Variants in ATP13A4 observed in about 807,000 individuals in gnomAD.
The protein encoded by ATP13A4 is ATPase 13A4.
Under a neutral mutation model 142.5 loss-of-function variants are expected in ATP13A4, and 114 were observed. That is an observed-to-expected ratio of 0.80 (90% CI 0.69 to 0.93). ATP13A4 has a LOEUF of 0.93. Ranked by LOEUF, ATP13A4 falls within the 40% of genes least tolerant of loss-of-function variation. The pLI is 0.00. For synonymous variants in ATP13A4, 488 were observed against 514.8 expected (o/e 0.95, Z 0.70); for missense variants, 1,392 against 1,454.0 (o/e 0.96, Z 0.69).
chr3:193,560,240 G>C (rs772450066), intron 2 of ATP13A4, among the ~76,000 whole-genome samples: 5 of 150,360 alleles, frequency 3.3e-5, no homozygotes, highest in Admixed American at 6.6e-5. Flanking sequence ...ACAGGGTCTC[G>C]CTCTGTCACC....
Position 193,495,491 on chromosome 3 carries a change from T to A in ATP13A4, c.382-2331A>T, listed in dbSNP as rs1283526250. On this transcript the variant is annotated intron_variant, in intron 3 of 29. Coordinates refer to ENST00000342695, the MANE Select transcript of ATP13A4 (RefSeq NM_032279.4). ...AACAGAATGACACACAAACACCATATGATCATTTGAACAAATACAGAAAAG... is the reference window on the plus strand; with the variant it reads ...AACAGAATGACACACAAACACCATAAGATCATTTGAACAAATACAGAAAAG... 8.5e-5 allele frequency among the ~76,000 whole-genome samples: 13 copies of A among 152,214 alleles called. 1 individual carries two copies. The South Asian group carries it at 2.7e-3, about 32-fold the overall frequency.
upstream of ATP13A4, among the ~76,000 whole-genome samples, chr3:193,559,373 C>T (rs1051576864): frequency 6.6e-6 from 1 of 152,166 alleles, no homozygotes; most frequent in Admixed American, 6.5e-5. Flanking sequence ...AGTCTTCCTC[C>T]TCAGCCCTCA....
At chr3:193,555,186 G>T (rs1393612647), upstream of ATP13A4, 4 of 347,342 alleles carry the variant, frequency 1.2e-5, no homozygotes, top group Non-Finnish European at 2.3e-5. Context: ...AGAGTTGGCA[G>T]GACCCTTCTC....
At chr3:193,536,884 C>T (rs1722617005) in intron 1 of ATP13A4, among the ~76,000 whole-genome samples, 1 of 151,880 alleles carries the variant, frequency 6.6e-6, no homozygotes, top group African/African-American at 2.4e-5. Context: ...AAATGAAATA[C>T]ATGTAAATTT....
At chr3:193,524,663 C>T (rs896158796) in intron 1 of ATP13A4, among the ~76,000 whole-genome samples, 2 of 152,102 alleles carry the variant, frequency 1.3e-5, no homozygotes, top group Non-Finnish European at 2.9e-5. Flanking sequence ...CCTGGTTCTG[C>T]CACTTATTAA....
At chr3:193,506,286 A>T (rs567763416) in intron 2 of ATP13A4, among the ~76,000 whole-genome samples, 81 of 152,328 alleles carry the variant, frequency 5.3e-4, no homozygotes, top group African/African-American at 1.8e-3. Context: ...TATAATGCAA[A>T]TAATGCAAAG....
chr3:193,437,684 CAT>C (rs1231807858), intron 23 of ATP13A4, among the ~76,000 whole-genome samples: 1 of 152,082 alleles, frequency 6.6e-6, no homozygotes, highest in Non-Finnish European at 1.5e-5. Context: ...ACTAGAAACA[CAT>C]GTCAGTTACA....
intron 25 of ATP13A4, among the ~76,000 whole-genome samples, chr3:193,430,841 G>A (rs1229205468): frequency 6.6e-6 from 1 of 152,032 alleles, no homozygotes; most frequent in Non-Finnish European, 1.5e-5. Context: ...TTAAGCAAGA[G>A]AATGAATAAT....
intron 18 of ATP13A4, among the ~76,000 whole-genome samples, chr3:193,444,768 G>C (rs773604178): frequency 6.6e-6 from 1 of 152,174 alleles, no homozygotes; most frequent in South Asian, 2.1e-4. Context: ...ATAACATCTG[G>C]CTGGCTATCC....
chr3:193,486,345 T>C (rs1719617648), intron 7 of ATP13A4, among the ~76,000 whole-genome samples: 1 of 152,196 alleles, frequency 6.6e-6, no homozygotes, highest in South Asian at 2.1e-4. Flanking sequence ...TCTGCAAGAA[T>C]GATGTATGGA....
chr3:193,445,968 C>CA (rs11310029), intron 18 of ATP13A4, among the ~76,000 whole-genome samples: 1 of 145,688 alleles, frequency 6.9e-6, no homozygotes, highest in African/African-American at 2.5e-5. Context: ...AAACTGGGTG[C>CA]AAAAAAAAAA....
intron 2 of ATP13A4, among the ~76,000 whole-genome samples, chr3:193,512,175 G>A (rs1344368756): frequency 6.6e-6 from 1 of 152,126 alleles, no homozygotes; most frequent in African/African-American, 2.4e-5. Flanking sequence ...CTAGTTGAGG[G>A]CATACAGATG....
chr3:193,558,556 T>A (rs185710451), upstream of ATP13A4, among the ~76,000 whole-genome samples: 42 of 152,302 alleles, frequency 2.8e-4, 1 homozygote, highest in East Asian at 7.9e-3. Context: ...AAAATATAAA[T>A]TCCACATAAT....
Position 193,459,177 on chromosome 3 carries a change from C to T in ATP13A4, c.1578G>A (p.Leu526=). Residue 526 remains leucine (L), a synonymous_variant, in exon 14 of 30, where the codon CTG becomes CTA. Transcript: ENST00000342695. ...ASGQALPWGP[L]CAAMASCHSL... is the part of the protein sequence containing the mutation. ...AGTGGCAGCTGGCCATCGCTGCACA[C>T]AGTGGGCCCCATGGCAAAGCCTGGC... 1.2e-6 allele frequency: 2 copies of T among 1,614,246 alleles called. No individual in the cohort carries two copies.
intron 25 of ATP13A4, among the ~76,000 whole-genome samples, chr3:193,422,357 C>T (rs1715447806): frequency 6.7e-6 from 1 of 149,902 alleles, no homozygotes; most frequent in African/African-American, 2.4e-5. Context: ...GGGAACTGAA[C>T]TGTACATTAG....
At chr3:193,408,534 A>C (rs1205123667) in intron 28 of ATP13A4, among the ~76,000 whole-genome samples, 1 of 152,210 alleles carries the variant, frequency 6.6e-6, no homozygotes, top group Non-Finnish European at 1.5e-5. Context: ...CAGCCATGAA[A>C]ATTTTCCACT....
intron 29 of ATP13A4, 143 bp from the exon 30 acceptor site, chr3:193,403,007 G>GAC: frequency 1.3e-6 from 1 of 776,722 alleles, no homozygotes; most frequent in East Asian, 2.7e-5. Flanking sequence ...CCAATCTAAG[G>GAC]TGGTTTCATT....
chr3:193,469,187 A>G (rs1169970316), intron 9 of ATP13A4, among the ~76,000 whole-genome samples: 3 of 152,236 alleles, frequency 2.0e-5, no homozygotes, highest in African/African-American at 7.2e-5. Context: ...GAAGAGGAGC[A>G]GCAGAAGAAA....
chr3:193,441,385 T>A, intron 20 of ATP13A4, 81 bp downstream of exon 20: 3 of 1,550,802 alleles, frequency 1.9e-6, no homozygotes, highest in Non-Finnish European at 2.7e-6. Context: ...TGTCTCAAGA[T>A]TTGAAATAAT....
Sources: gnomAD v4.1 joint callset for allele counts (sites outside exome capture counted in the v4.1 genomes callset) on GRCh38, gnomAD v4.1.1 for gene constraint, MANE v1.5 for transcripts, NCBI Gene and HGNC (gene_info 2026-07-23, HGNC 2026-07-21) for gene names.